Variants in ARCN1 observed in about 807,000 individuals in gnomAD.
The protein encoded by ARCN1 is coatomer subunit delta.
A neutral mutation model predicts 60.4 loss-of-function variants in ARCN1; 5 were observed. The ratio of observed to expected loss-of-function variants is 0.08; its 90% CI spans 0.04 to 0.17. The LOEUF is 0.17. Among genes scored for constraint, ARCN1 ranks in the 10% least tolerant of loss-of-function variants. The pLI is 1.00. For missense variants in ARCN1, 464 were observed against 626.5 expected (o/e 0.74, Z 2.77); for synonymous variants, 224 against 220.0 (o/e 1.02, Z -0.16).
At chr11:118,588,640 T>G (rs1938827721) in intron 5 of ARCN1, among the ~76,000 whole-genome samples, 1 of 150,660 alleles carries the variant, frequency 6.6e-6, no homozygotes, top group African/African-American at 2.4e-5. Context: ...AGACCAGGAG[T>G]TCAAGGTTAT....
intron 3 of ARCN1, 59 bp from the exon 4 acceptor site, chr11:118,583,750 C>T (rs1938711994): frequency 6.4e-7 from 1 of 1,566,580 alleles, no homozygotes; most frequent in Non-Finnish European, 8.7e-7. Context: ...CAGAGTGAGA[C>T]CCTGTCTCAA....
intron 8 of ARCN1, 109 bp from the exon 9 acceptor site, chr11:118,597,598 A>T: frequency 1.8e-6 from 2 of 1,116,206 alleles, no homozygotes; most frequent in Non-Finnish European, 2.5e-6. Flanking sequence ...CTGAAATTGT[A>T]GTCCTAGAAG....
chr11:118,583,921 G>A lies in ARCN1; in HGVS notation c.560G>A (p.Gly187Asp). ...GKKAPGFGGF[G>D]SSAVSGGSTA... ...AAAGCACCAGGATTTGGCGGATTTG[G>A]CAGCTCTGCAGTATCTGGAGGCAGC... is the stretch of plus-strand genomic sequence containing the variant. Residue 187 changes from glycine to aspartate, a missense_variant, in exon 4 of 10, where the codon GGC (glycine) becomes GAC (aspartate). Transcript: ENST00000264028. The A allele has an allele frequency of 1.2e-6, 2 of 1,614,250 alleles. No individual in the cohort carries two copies. The highest frequency in any genetic ancestry group is 1.7e-6 in the Non-Finnish European group (2 of 1,180,056).
chr11:118,587,307 G>C (rs1423792426), intron 5 of ARCN1, among the ~76,000 whole-genome samples: 1 of 152,070 alleles, frequency 6.6e-6, no homozygotes, highest in Non-Finnish European at 1.5e-5. Context: ...AGTATTAACA[G>C]AGTTTTTTGT....
At chr11:118,589,083 T>TTACATA (rs1938839676) in intron 5 of ARCN1, among the ~76,000 whole-genome samples, 1 of 152,304 alleles carries the variant, frequency 6.6e-6, no homozygotes, top group South Asian at 2.1e-4. Flanking sequence ...ATAATGGTAC[T>TTACATA]GTGATTGATT....
chr11:118,588,878 C>T (rs981847957), intron 5 of ARCN1, among the ~76,000 whole-genome samples: 1 of 152,006 alleles, frequency 6.6e-6, no homozygotes, highest in Non-Finnish European at 1.5e-5. Context: ...ATGAACCGGG[C>T]GTGGTGGCAG....
In ARCN1 at chr11:118,581,529, A is replaced by T; in HGVS notation, c.267+20A>T. 3 of 1,573,180 alleles carry T rather than the reference A, an allele frequency of 1.9e-6. No homozygotes were observed. The highest frequency in any genetic ancestry group is 2.6e-6 in the Non-Finnish European group (3 of 1,159,810). The stretch of plus-strand genomic sequence containing the variant: ...AGAGTGGTAAGAGTACTGCTATAAT[A>T]CTGGGTTCCACTTTTTGTTTTACAT... On this transcript the variant is annotated intron_variant, in intron 2 of 9. Coordinates refer to ENST00000264028, the MANE Select transcript of ARCN1 (RefSeq NM_001655.5).
intron 1 of ARCN1, among the ~76,000 whole-genome samples, chr11:118,578,874 C>CTTTTTTTTTT (rs56050047): frequency 1.2e-5 from 1 of 83,454 alleles, no homozygotes; most frequent in African/African-American, 4.8e-5. Context: ...CCCCGTCTCT[C>CTTTTTTTTTT]TTTTTTTTTT....
chr11:118,577,637 C>G (rs782095499), intron 1 of ARCN1, among the ~76,000 whole-genome samples: 1 of 152,158 alleles, frequency 6.6e-6, no homozygotes, highest in Non-Finnish European at 1.5e-5. Context: ...CGGTTACTCT[C>G]TCATGTTACT....
At chr11:118,583,702 G>A in intron 3 of ARCN1, 107 bp from the exon 4 acceptor site, 1 of 1,155,890 alleles carries the variant, frequency 8.7e-7, no homozygotes, top group South Asian at 1.5e-5. Flanking sequence ...AGGCTGCAGT[G>A]AGCTGTGATT....
chr11:118,587,069 T>G (rs967975820), intron 5 of ARCN1, among the ~76,000 whole-genome samples: 1 of 152,166 alleles, frequency 6.6e-6, no homozygotes, highest in Non-Finnish European at 1.5e-5. Flanking sequence ...ACAAAGAACA[T>G]GGTAGGATAA....
intron 1 of ARCN1, among the ~76,000 whole-genome samples, chr11:118,575,815 C>T (rs1555073423): frequency 6.6e-6 from 1 of 152,090 alleles, no homozygotes; most frequent in Non-Finnish European, 1.5e-5. Context: ...TATTATACCA[C>T]CTGTTATTCT....
intron 5 of ARCN1, among the ~76,000 whole-genome samples, chr11:118,589,242 A>T (rs1938843631): frequency 6.6e-6 from 1 of 152,214 alleles, no homozygotes; most frequent in African/African-American, 2.4e-5. Flanking sequence ...AGAGAGAAAC[A>T]CAAGTGCAAA....
intron 9 of ARCN1, among the ~76,000 whole-genome samples, chr11:118,598,461 A>G (rs1939077116): frequency 6.6e-6 from 1 of 151,402 alleles, no homozygotes; most frequent in African/African-American, 2.4e-5. Context: ...AGGCAAAGCA[A>G]TGGAGATGTG....
intron 7 of ARCN1, 75 bp from the exon 8 acceptor site, chr11:118,593,515 G>A: frequency 9.8e-7 from 1 of 1,020,382 alleles, no homozygotes; most frequent in Non-Finnish European, 1.5e-6. Flanking sequence ...AAAGCGCTGG[G>A]GTTACAGGCA....
At chr11:118,573,164 T>C (rs1938394144) in intron 1 of ARCN1, among the ~76,000 whole-genome samples, 1 of 152,214 alleles carries the variant, frequency 6.6e-6, no homozygotes, top group Non-Finnish European at 1.5e-5. Context: ...AGAACTCACT[T>C]GTGTCCATTT....
At chr11:118,583,685 G>C (rs1938710744) in intron 3 of ARCN1, 124 bp from the exon 4 acceptor site, 12 of 987,462 alleles carry the variant, frequency 1.2e-5, no homozygotes, top group Admixed American at 2.6e-5. Flanking sequence ...TTGAGCCCAG[G>C]AAGTTGAGGC....
At chr11:118,578,673 C>CT (rs1488418256) in intron 1 of ARCN1, among the ~76,000 whole-genome samples, 1 of 151,970 alleles carries the variant, frequency 6.6e-6, no homozygotes, top group Non-Finnish European at 1.5e-5. Context: ...GATGCATTCC[C>CT]TGAAACTGTA....
In ARCN1 at chr11:118,572,434, C is replaced by T. The variant is rs1938362584; in HGVS notation, c.-114C>T. 6 of 1,038,412 alleles carry T rather than the reference C, an allele frequency of 5.8e-6. No homozygotes were observed. Among genetic ancestry groups the T allele is most frequent in the East Asian group, 4.1e-5 (1 of 24,592 alleles). 64.3% of individuals were successfully genotyped at this position (1,038,412 alleles called of 1,614,324 possible). Reference sequence around the variant, plus strand: ...ATCTTGGCAAGAGGCGAAGCGGCAGCGGTTCCTGTCAAGGGGGCAGCAGGT... The same window carrying T: ...ATCTTGGCAAGAGGCGAAGCGGCAGTGGTTCCTGTCAAGGGGGCAGCAGGT... On this transcript the variant is annotated 5_prime_UTR_variant, in exon 1 of 10. Coordinates refer to ENST00000264028, the MANE Select transcript of ARCN1 (RefSeq NM_001655.5).
Sources: gnomAD v4.1 joint callset for allele counts (sites outside exome capture counted in the v4.1 genomes callset) on GRCh38, gnomAD v4.1.1 for gene constraint, MANE v1.5 for transcripts, NCBI Gene and HGNC (gene_info 2026-07-23, HGNC 2026-07-21) for gene names.